The following NR1D2 variants were observed in gnomAD, a reference collection of about 807,000 sequenced individuals.
NR1D2 encodes the protein V-erbA-related protein 1-related.
A neutral mutation model predicts 52.2 loss-of-function variants in NR1D2; 25 were observed. The observed-to-expected ratio is 0.48, with a 90% confidence interval of 0.35 to 0.67. The LOEUF is 0.67. Ranked by LOEUF, NR1D2 falls within the 30% of genes least tolerant of loss-of-function variation. The probability of loss-of-function intolerance (pLI) is 0.01; values close to 1 mark genes in which losing one functional copy is unlikely to be tolerated. For missense variants in NR1D2, 681 were observed against 707.2 expected (o/e 0.96, Z 0.42); for synonymous variants, 259 against 230.1 (o/e 1.13, Z -1.14).
At chr3:23,972,423 G>A (rs1351416774) in intron 7 of NR1D2, among the ~76,000 whole-genome samples, 8 of 152,208 alleles carry the variant, frequency 5.3e-5, no homozygotes, top group Admixed American at 5.2e-4. Context: ...TGTAAGATTG[G>A]AAGAATCCTA....
At chr3:23,966,657 C>T (rs1706457661) in intron 6 of NR1D2, among the ~76,000 whole-genome samples, 1 of 152,176 alleles carries the variant, frequency 6.6e-6, no homozygotes, top group Non-Finnish European at 1.5e-5. Context: ...GGCAGAGTAT[C>T]TTTGCCATGA....
In NR1D2 at chr3:23,954,675, A is replaced by T; in HGVS notation, c.155A>T (p.Asn52Ile). ...SSPNSSNSDT[N>I]GNPKNGDLAN... The stretch of plus-strand genomic sequence containing the variant: ...CCAAATAGCTCTAATTCTGATACCA[A>T]TGGTAATCCCAAGAATGGTGATCTC... Residue 52 changes from asparagine to isoleucine, a missense_variant, in exon 2 of 8, where the codon AAT becomes ATT. Coordinates refer to ENST00000312521, the MANE Select transcript of NR1D2 (RefSeq NM_005126.5). The T allele has an allele frequency of 6.2e-7, 1 of 1,614,160 alleles. No homozygotes were observed. The highest frequency in any genetic ancestry group is 2.2e-5 in the East Asian group (1 of 44,882).
At chr3:23,964,905 T>C (rs1436431819) in intron 5 of NR1D2, 72 bp from the exon 6 acceptor site, 2 of 1,029,400 alleles carry the variant, frequency 1.9e-6, no homozygotes, top group East Asian at 4.9e-5. Flanking sequence ...TTTCTGATAA[T>C]TGAGATGCTG....
rs1706773071 is a variant in NR1D2, at chr3:23,977,792, G to A, written c.*373G>A. ...AGGACTTAGAAATTAATCCTTTGTG[G>A]TAGGAGTTCTGTTGAATGATGGAAA... On this transcript the variant is annotated 3_prime_UTR_variant, in exon 8 of 8. Transcript: ENST00000312521. 1 of 156,020 alleles carries A rather than the reference G, an allele frequency of 6.4e-6. No individual in the cohort carries two copies. The highest frequency in any genetic ancestry group is 2.0e-4 in the South Asian group (1 of 4,936). 9.7% of individuals were successfully genotyped at this position (156,020 alleles called of 1,614,324 possible).
chr3:23,954,540 G>A lies in NR1D2; in HGVS notation c.20G>A (p.Gly7Asp). 1 of 1,611,148 alleles carries A rather than the reference G, an allele frequency of 6.2e-7. No individual in the cohort carries two copies. Among genetic ancestry groups the A allele is most frequent in the Non-Finnish European group, 8.5e-7 (1 of 1,177,848 alleles). Residue 7 changes from glycine (G) to aspartate (D), a missense_variant, in exon 2 of 8, where the codon GGT becomes GAT. By Grantham distance (94) the Gly-to-Asp change is moderately conservative. Transcript: ENST00000312521. ...TGATTTTCCTCCTATTTTCTAGGAG[G>A]TGTGATTGCCTATATCAGTTCTTCC... is the stretch of plus-strand genomic sequence containing the variant. The part of the protein sequence containing the change: MEVNAG[G>D]VIAYISSSSS...
At chr3:23,974,154 C>G (rs993456830) in intron 7 of NR1D2, among the ~76,000 whole-genome samples, 7 of 127,180 alleles carry the variant, frequency 5.5e-5, no homozygotes, top group African/African-American at 1.8e-4. Flanking sequence ...GCCTGTAATC[C>G]CAGCACTTGG....
At chr3:23,946,150 G>T in intron 1 of NR1D2, 3 of 985,282 alleles carry the variant, frequency 3.0e-6, no homozygotes, top group Non-Finnish European at 3.6e-6. Flanking sequence ...TGCACACTGC[G>T]GAGGAGGCCG....
chr3:23,945,621 G>A (rs1222077361), intron 1 of NR1D2, 27 bp downstream of exon 1: 3 of 1,175,054 alleles, frequency 2.6e-6, no homozygotes, highest in South Asian at 4.2e-5. Flanking sequence ...GGCGGGTGGG[G>A]GATGGCCGGA....
At chr3:23,954,257 C>T (rs568007698) in intron 1 of NR1D2, among the ~76,000 whole-genome samples, 1 of 152,318 alleles carries the variant, frequency 6.6e-6, no homozygotes, top group South Asian at 2.1e-4. Flanking sequence ...GACAATCCTC[C>T]CACCTCAGCC....
intron 7 of NR1D2, among the ~76,000 whole-genome samples, chr3:23,969,013 AGGG>A (rs1359063460): frequency 6.6e-6 from 1 of 152,184 alleles, no homozygotes; most frequent in Non-Finnish European, 1.5e-5. Flanking sequence ...GCCAGGCGCC[AGGG>A]GTGCACGCCT....
intron 5 of NR1D2, chr3:23,963,451 C>CT (rs201171058): frequency 8.8e-7 from 1 of 1,141,586 alleles, no homozygotes; most frequent in South Asian, 1.8e-5. Flanking sequence ...TAAGTCGTTG[C>CT]TTTTTTGTTT....
In NR1D2 at chr3:23,965,134, T is replaced by A; in HGVS notation, c.1304T>A (p.Val435Asp). ...GFRDLSQHDQ[V>D]NLLKAGTFEV... ...AGAGATCTCTCTCAGCATGACCAGG[T>A]CAACCTTTTAAAGGCTGGGACTTTT... The change falls in exon 6 of 8, where the codon GTC becomes GAC. Residue 435 changes from valine to aspartate, a missense_variant. Physicochemically the swap from Val to Asp is radical, Grantham distance 152. Coordinates refer to ENST00000312521, the MANE Select transcript of NR1D2 (RefSeq NM_005126.5). 1 of 1,611,776 alleles carries A rather than the reference T, an allele frequency of 6.2e-7. No individual in the cohort carries two copies. Among genetic ancestry groups the A allele is most frequent in the Non-Finnish European group, 8.5e-7 (1 of 1,179,428 alleles).
rs778365984 is a variant in NR1D2 at position 23,954,625 on chromosome 3, C to T, written c.105C>T (p.Ser35=). 2 of 1,613,718 alleles carry T rather than the reference C, an allele frequency of 1.2e-6. No homozygotes were observed. Among genetic ancestry groups the T allele is most frequent in the Non-Finnish European group, 8.5e-7 (1 of 1,179,680 alleles). The change falls in exon 2 of 8, where the codon TCC becomes TCT. Residue 35 remains serine, a synonymous_variant. Transcript: ENST00000312521. Reference sequence around the variant, plus strand: ...AGGGTTCTGAGAATAGTTTCCAGTCCTCCTCCTCTTCTGTTCCATCTTCTC... The same window carrying T: ...AGGGTTCTGAGAATAGTTTCCAGTCTTCCTCCTCTTCTGTTCCATCTTCTC... The part of the protein sequence containing the change: ...HSEGSENSFQ[S]SSSSVPSSPN...
chr3:23,962,097 T>C lies in NR1D2; in HGVS notation c.638T>C (p.Val213Ala). Reference protein sequence around the residue: ...FSGHLQNDTLVEHHEQTALPA... With the variant: ...FSGHLQNDTLAEHHEQTALPA... ...GGTCACTTGCAAAATGACACATTAG[T>C]AGAACATCATGAACAGACAGCCTTG... is the stretch of plus-strand genomic sequence containing the variant. Residue 213 changes from valine to alanine, a missense_variant, in exon 5 of 8, where the codon GTA (valine) becomes GCA (alanine). Val to Ala is a moderately conservative substitution (Grantham distance 64). Around this residue, in one of 3 missense-constraint regions of NR1D2, gnomAD observed 475 missense variants for 454.5 expected, o/e 1.05. Transcript: ENST00000312521. The C allele has an allele frequency of 6.2e-7, 1 of 1,614,130 alleles. No individual in the cohort carries two copies. Among genetic ancestry groups the C allele is most frequent in the Non-Finnish European group, 8.5e-7 (1 of 1,180,016 alleles).
rs1706188612 is a variant in NR1D2, at chr3:23,959,823, C to A, written c.517+8C>A. ...TTGGAATGTCAAGAGATGGTATGTTCCCAGTTTAAAGAGTGTTCCTAAAGT... is the reference window on the plus strand; with the variant it reads ...TTGGAATGTCAAGAGATGGTATGTTACCAGTTTAAAGAGTGTTCCTAAAGT... On this transcript the variant is annotated splice_region_variant and intron_variant, in intron 4 of 7. Coordinates refer to ENST00000312521, the MANE Select transcript of NR1D2 (RefSeq NM_005126.5). 1 of 1,609,456 alleles carries A rather than the reference C, an allele frequency of 6.2e-7. No homozygotes were observed. The highest frequency in any genetic ancestry group is 1.1e-5 in the South Asian group (1 of 90,034).
chr3:23,963,253 C>G (rs529434349), intron 5 of NR1D2: 1 of 1,351,472 alleles, frequency 7.4e-7, no homozygotes, highest in South Asian at 1.1e-5. Context: ...CAAAATTTCA[C>G]CAAAAACAGC....
chr3:23,961,908 TG>T, intron 4 of NR1D2, 68 bp from the exon 5 acceptor site: 4 of 1,409,142 alleles, frequency 2.8e-6, no homozygotes, highest in Non-Finnish European at 3.8e-6. Flanking sequence ...TGGATAATTT[TG>T]TGTTATTCTT....
At chr3:23,976,014 T>TG (rs906738324) in intron 7 of NR1D2, among the ~76,000 whole-genome samples, 6 of 152,224 alleles carry the variant, frequency 3.9e-5, no homozygotes, top group Non-Finnish European at 8.8e-5. Flanking sequence ...ACCTCCCATG[T>TG]GGGGGACCAT....
intron 1 of NR1D2, among the ~76,000 whole-genome samples, chr3:23,949,179 A>G (rs1705858951): frequency 1.3e-5 from 2 of 152,148 alleles, no homozygotes; most frequent in South Asian, 2.1e-4. Flanking sequence ...CAGCCTGGCT[A>G]ACATGTGAAA....
Sources: gnomAD v4.1 joint callset for allele counts (sites outside exome capture counted in the v4.1 genomes callset) on GRCh38, gnomAD v4.1.1 for gene constraint, gnomAD v4.1.1 regional missense constraint, MANE v1.5 for transcripts, NCBI Gene and HGNC (gene_info 2026-07-23, HGNC 2026-07-21) for gene names.